Variants in ADGRA3 observed in about 807,000 individuals in gnomAD.
ADGRA3 encodes the protein adhesion G protein-coupled receptor A3.
A neutral mutation model predicts 119.8 loss-of-function variants in ADGRA3; 56 were observed. The observed-to-expected ratio is 0.47, with a 90% confidence interval of 0.38 to 0.58. ADGRA3 has a LOEUF of 0.58. Ranked by LOEUF, ADGRA3 falls within the 20% of genes least tolerant of loss-of-function variation. The pLI, the probability that ADGRA3 is intolerant of heterozygous loss-of-function variation, is 0.00. For synonymous variants in ADGRA3, 607 were observed against 623.8 expected, an observed-to-expected ratio of 0.97 and a Z score of 0.40; for missense variants, 1,516 against 1,649.0, an observed-to-expected ratio of 0.92 and a Z score of 1.40.
chr4:22,421,881 C>CCAAAA (rs767609157), intron 11 of ADGRA3, among the ~76,000 whole-genome samples: 2 of 70,442 alleles, frequency 2.8e-5, no homozygotes, highest in African/African-American at 1.3e-4. Flanking sequence ...ACTCAGTCTC[C>CCAAAA]AAAAAAAAAA....
At chr4:22,496,156 T>G (rs1463778560) in intron 1 of ADGRA3, among the ~76,000 whole-genome samples, 1 of 152,228 alleles carries the variant, frequency 6.6e-6, no homozygotes, top group Admixed American at 6.5e-5. Flanking sequence ...TCTGTCAATG[T>G]GAATTTGTGT....
chr4:22,403,033 T>C (rs1206874519), intron 14 of ADGRA3, among the ~76,000 whole-genome samples: 1 of 152,176 alleles, frequency 6.6e-6, no homozygotes, highest in Non-Finnish European at 1.5e-5. Flanking sequence ...CCATCTATTT[T>C]ATAAATTGAA....
chr4:22,431,911 A>G (rs1163589060), intron 10 of ADGRA3, among the ~76,000 whole-genome samples: 2 of 152,140 alleles, frequency 1.3e-5, no homozygotes, highest in Non-Finnish European at 2.9e-5. Flanking sequence ...TAGGGATTTT[A>G]TAAGTTTTAC....
In ADGRA3 at chr4:22,388,781, C is replaced by T; in HGVS notation, c.2890G>A (p.Ala964Thr). Residue 964 changes from alanine to threonine, a missense_variant, in exon 19 of 19, where the codon GCC (alanine) becomes ACC (threonine). Physicochemically the swap from Ala to Thr is moderately conservative, Grantham distance 58 (BLOSUM62 0). Transcript: ENST00000334304. ...EPTEEQQRLA[A>T]NENGEINHQD... The stretch of plus-strand genomic sequence containing the variant: ...TGATTTATTTCGCCATTTTCATTGG[C>T]TGCCAATCTCTGTTGCTCCTCCGTG... The T allele has an allele frequency of 1.2e-6, 2 of 1,614,068 alleles. No individual in the cohort carries two copies. The highest frequency in any genetic ancestry group is 4.5e-5 in the East Asian group (2 of 44,866).
At chr4:22,480,136 A>C (rs1328032919) in intron 1 of ADGRA3, among the ~76,000 whole-genome samples, 1 of 152,208 alleles carries the variant, frequency 6.6e-6, no homozygotes, top group Non-Finnish European at 1.5e-5. Flanking sequence ...TCAGCACTTA[A>C]AGTATTTAAA....
At chr4:22,470,787 A>G (rs1348265070) in intron 2 of ADGRA3, among the ~76,000 whole-genome samples, 1 of 152,174 alleles carries the variant, frequency 6.6e-6, no homozygotes, top group Non-Finnish European at 1.5e-5. Flanking sequence ...CACCAGCAGA[A>G]AAGTGGGAAG....
chr4:22,398,095 C>A (rs1170828879), intron 16 of ADGRA3: 1 of 985,254 alleles, frequency 1.0e-6, no homozygotes, highest in Non-Finnish European at 1.2e-6. Flanking sequence ...GACCCATCAT[C>A]TGACTTCTTG....
At chr4:22,453,201 A>AT (rs1418343903) in intron 4 of ADGRA3, among the ~76,000 whole-genome samples, 3 of 35,902 alleles carry the variant, frequency 8.4e-5, no homozygotes, top group Non-Finnish European at 3.0e-4. Flanking sequence ...ACTCCATCTC[A>AT]AAAAAAAAAA....
chr4:22,402,775 T>G lies in ADGRA3; in HGVS notation c.2257A>C (p.Thr753Pro). The change falls in exon 15 of 19, where the codon ACC (threonine) becomes CCC (proline). Residue 753 changes from threonine to proline, a missense_variant. Physicochemically the swap from Thr to Pro is conservative, Grantham distance 38 (BLOSUM62 -1). Around this residue, in one of 2 missense-constraint regions of ADGRA3, gnomAD observed 1,088 missense variants for 1,107.1 expected, o/e 0.98. Transcript: ENST00000334304. ...GGATGCAGGAGGCTGGCCGCCTGGG[T>G]GTATAGTTCAGATCCCGTCAAATCC... ...LMDLTGSELY[T>P]QAASLLHPVV... 1 of 1,613,686 alleles carries G rather than the reference T, an allele frequency of 6.2e-7. No individual in the cohort carries two copies. The highest frequency in any genetic ancestry group is 8.5e-7 in the Non-Finnish European group (1 of 1,179,774).
Position 22,441,432 on chromosome 4 carries a change from C to T in ADGRA3, c.920+1218G>A, listed in dbSNP as rs1165317628. On this transcript the variant is annotated intron_variant, in intron 7 of 18. Transcript: ENST00000334304. ...GGTCGGCAGACTTTTTCTTCAATGG[C>T]CAGACAGTACATATTTTAGGCTTTG... Among the ~76,000 whole-genome samples the T allele has an allele frequency of 2.0e-5, 3 of 152,204 alleles. No homozygotes were observed. In the East Asian group the frequency reaches 5.8e-4, roughly 29 times the overall value.
Position 22,442,843 on chromosome 4 carries a change from A to G in ADGRA3, c.727T>C (p.Ser243Pro). ...LTCDPPLELP[S>P]FYMTPSHRQV... ...CGATGAGATGGAGTCATGTAGAAAG[A>G]CGGCAATTCAAGCGGAGGGTCTAGA... The change falls in exon 7 of 19, where the codon TCT becomes CCT. Residue 243 changes from serine (S) to proline (P), a missense_variant. Ser to Pro is a moderately conservative substitution (Grantham distance 74, BLOSUM62 -1). Transcript: ENST00000334304. 1 of 1,612,882 alleles carries G rather than the reference A, an allele frequency of 6.2e-7. No homozygotes were observed. Among genetic ancestry groups the G allele is most frequent in the Non-Finnish European group, 8.5e-7 (1 of 1,178,976 alleles).
intron 10 of ADGRA3, 25 bp downstream of exon 10, chr4:22,435,286 T>C (rs751623923): frequency 1.9e-6 from 3 of 1,592,004 alleles, no homozygotes; most frequent in Non-Finnish European, 2.6e-6. Context: ...CACTGTATGC[T>C]ACAAATCTGA....
chr4:22,461,607 G>C, intron 3 of ADGRA3, 130 bp downstream of exon 3: 2 of 610,554 alleles, frequency 3.3e-6, no homozygotes, highest in South Asian at 2.2e-5. Context: ...GCCTCTTTCT[G>C]TATCAGGGAC....
intron 1 of ADGRA3, among the ~76,000 whole-genome samples, chr4:22,503,348 A>G (rs933010236): frequency 2.6e-5 from 4 of 152,236 alleles, no homozygotes; most frequent in African/African-American, 4.8e-5. Flanking sequence ...TGCCTTTCTC[A>G]TAAGAAAAGA....
At chr4:22,401,596 CAT>C in intron 15 of ADGRA3, 42 bp from the exon 16 acceptor site, 1 of 1,475,252 alleles carries the variant, frequency 6.8e-7, no homozygotes, top group Non-Finnish European at 9.3e-7. Flanking sequence ...CAGGCTAGTA[CAT>C]AAGGAGAAAA....
intron 17 of ADGRA3, among the ~76,000 whole-genome samples, chr4:22,390,428 C>T (rs571433220): frequency 1.1e-4 from 1 of 9,462 alleles, no homozygotes; most frequent in Admixed American, 1.4e-3. Context: ...ATATATAATA[C>T]GTATTATATA....
At chr4:22,493,944 C>T (rs1018379890) in intron 1 of ADGRA3, among the ~76,000 whole-genome samples, 5 of 152,110 alleles carry the variant, frequency 3.3e-5, no homozygotes, top group African/African-American at 9.7e-5. Flanking sequence ...GTGGCTCACA[C>T]CTATAATCCC....
chr4:22,403,802 A>T, intron 14 of ADGRA3, among the ~76,000 whole-genome samples: 1 of 152,188 alleles, frequency 6.6e-6, no homozygotes, highest in East Asian at 1.9e-4. Context: ...ATAGAACATT[A>T]GACATTGACT....
intron 12 of ADGRA3, chr4:22,414,725 G>A: frequency 1.7e-6 from 1 of 603,334 alleles, no homozygotes; most frequent in Non-Finnish European, 2.9e-6. Flanking sequence ...CTATTGCTCA[G>A]ATGTATCCCC....
Sources: gnomAD v4.1 joint callset for allele counts (sites outside exome capture counted in the v4.1 genomes callset) on GRCh38, gnomAD v4.1.1 for gene constraint, gnomAD v4.1.1 regional missense constraint, MANE v1.5 for transcripts, NCBI Gene and HGNC (gene_info 2026-07-23, HGNC 2026-07-21) for gene names.